Variants in NXPE2 observed in about 807,000 individuals in gnomAD.
The protein encoded by NXPE2 is NXPE family member 2.
Under a neutral mutation model 34.4 loss-of-function variants are expected in NXPE2, and 34 were observed. The observed-to-expected ratio is 0.99, with a 90% CI of 0.75 to 1.31. The LOEUF (loss-of-function observed/expected upper bound fraction) is 1.31, where lower values mean the gene tolerates loss of function less well. NXPE2 is among the 40% of genes most tolerant of loss of function. The probability of loss-of-function intolerance (pLI) is 0.00; values close to 1 mark genes in which losing one functional copy is unlikely to be tolerated. For missense variants in NXPE2, 649 were observed against 672.5 expected, an observed-to-expected ratio of 0.97 and a Z score of 0.39; for synonymous variants, 235 against 231.3, an observed-to-expected ratio of 1.02 and a Z score of -0.15.
At chr11:114,724,822 A>G in the NXPE2 span, among the ~76,000 whole-genome samples, 1 of 136,482 alleles carries the variant, frequency 7.3e-6, no homozygotes, top group African/African-American at 2.7e-5. Flanking sequence ...TACTTGAGGG[A>G]GTATTGCTGT....
At chr11:114,761,728 C>T in the NXPE2 span, among the ~76,000 whole-genome samples, 1 of 151,648 alleles carries the variant, frequency 6.6e-6, no homozygotes, top group South Asian at 2.1e-4. Context: ...CGCCCGCCAC[C>T]GCGCCCGGCT....
the NXPE2 span, chr11:114,526,612 T>C: frequency 1.3e-5 from 2 of 152,226 alleles, no homozygotes; most frequent in African/African-American, 4.8e-5. Flanking sequence ...AGGTTCTTCC[T>C]CTCTTTCTAG....
rs1286384823 is a variant in NXPE2, at chr11:114,696,524, G to GC, written c.133-1521_133-1520insC. On this transcript the variant is annotated intron_variant, in intron 2 of 5. Transcript: ENST00000389586. ...TCAGACAAAGTAGATTTCAGAACCA[G>GC]GAAAATTACCAAGAATAAATAAGAT... Among the ~76,000 whole-genome samples the GC allele has an allele frequency of 3.7e-3, 561 of 151,904 alleles. 5 individuals are homozygous for GC. Among genetic ancestry groups the GC allele is most frequent in the African/African-American group, 0.012 (487 of 41,422 alleles).
At chr11:114,781,489 G>A in the NXPE2 span, among the ~76,000 whole-genome samples, 1 of 152,138 alleles carries the variant, frequency 6.6e-6, no homozygotes. Flanking sequence ...TGAAAGAGGT[G>A]GCCTTATGTT....
At chr11:114,610,276 C>T in the NXPE2 span, among the ~76,000 whole-genome samples, 2 of 150,458 alleles carry the variant, frequency 1.3e-5, no homozygotes, top group East Asian at 2.0e-4. Flanking sequence ...GTGTTGCCTA[C>T]CCGGTGGATA....
the NXPE2 span, among the ~76,000 whole-genome samples, chr11:114,632,151 T>C: frequency 7.0e-6 from 1 of 143,290 alleles, no homozygotes; most frequent in East Asian, 2.0e-4. Context: ...TTTATTATGT[T>C]ATAAATAAAA....
At chr11:114,569,834 A>T in the NXPE2 span, among the ~76,000 whole-genome samples, 1 of 152,062 alleles carries the variant, frequency 6.6e-6, no homozygotes, top group South Asian at 2.1e-4. Flanking sequence ...GCAAAGTGTG[A>T]CCCCTCACCC....
At chr11:114,727,827 C>G in the NXPE2 span, among the ~76,000 whole-genome samples, 1 of 123,290 alleles carries the variant, frequency 8.1e-6, no homozygotes, top group East Asian at 2.3e-4. Context: ...ATATCTTTCC[C>G]CTTCTCTTCC....
chr11:114,632,918 T>A, the NXPE2 span, among the ~76,000 whole-genome samples: 1 of 95,322 alleles, frequency 1.0e-5, no homozygotes, highest in East Asian at 2.7e-4. Flanking sequence ...TATTATATTT[T>A]ATATAATTAT....
the NXPE2 span, chr11:114,581,649 C>A: frequency 1.9e-5 from 23 of 1,242,058 alleles, no homozygotes; most frequent in Non-Finnish European, 2.7e-5. Flanking sequence ...AAACAGTGAA[C>A]AAATCCAGTA....
rs374228143 is a variant in NXPE2 at position 114,698,745 on chromosome 11, A to G, written c.833A>G (p.Tyr278Cys). 64 of 1,594,332 alleles carry G rather than the reference A, an allele frequency of 4.0e-5. No homozygotes were observed. The Admixed American group carries it at 7.7e-4, about 19-fold the overall frequency. ...ACCACTAGGACAAGAAATATTTCCT[A>G]TCTTAGCAAGGAAGAATGGAGGCTT... ...HMTTRTRNISYLSKEEWRLFH... is the reference protein window; with the variant it reads ...HMTTRTRNISCLSKEEWRLFH... Residue 278 changes from tyrosine to cysteine, a missense_variant, in exon 3 of 6, where the codon TAT (tyrosine) becomes TGT (cysteine). Tyr to Cys is a radical substitution (Grantham distance 194). Coordinates refer to ENST00000389586, the MANE Select transcript of NXPE2 (RefSeq NM_182495.6).
At chr11:114,505,397 A>C in the NXPE2 span, among the ~76,000 whole-genome samples, 1 of 152,080 alleles carries the variant, frequency 6.6e-6, no homozygotes, top group Non-Finnish European at 1.5e-5. Flanking sequence ...TACTTCACAA[A>C]AAGATTATCC....
chr11:114,686,390 T>C (rs982533310), intron 2 of NXPE2, among the ~76,000 whole-genome samples: 3 of 152,190 alleles, frequency 2.0e-5, no homozygotes, highest in African/African-American at 7.2e-5. Flanking sequence ...GTTTCTGTGT[T>C]AATTCATTTA....
At chr11:114,791,795 G>T in the NXPE2 span, among the ~76,000 whole-genome samples, 1 of 152,184 alleles carries the variant, frequency 6.6e-6, no homozygotes, top group African/African-American at 2.4e-5. Flanking sequence ...GGTGGCTCAC[G>T]CCTGTAATCC....
rs1951307233 is a variant in NXPE2 at position 114,698,629 on chromosome 11, T to C, written c.717T>C (p.Ala239=). ...TECGLTLNTN[A]ELCQYMDDRD... ...GTGGCCTGACCCTAAACACAAATGC[T>C]GAACTGTGCCAGTACATGGATGACA... The change falls in exon 3 of 6, where the codon GCT becomes GCC. Residue 239 remains alanine (A), a synonymous_variant. Coordinates refer to ENST00000389586, the MANE Select transcript of NXPE2 (RefSeq NM_182495.6). 2 of 1,614,070 alleles carry C rather than the reference T, an allele frequency of 1.2e-6. No individual in the cohort carries two copies. Among genetic ancestry groups the C allele is most frequent in the South Asian group, 1.1e-5 (1 of 91,084 alleles).
the NXPE2 span, among the ~76,000 whole-genome samples, chr11:114,595,298 C>T: frequency 6.6e-6 from 1 of 152,140 alleles, no homozygotes; most frequent in Admixed American, 6.5e-5. Flanking sequence ...TATTTTAAAA[C>T]ATTTCTTACT....
chr11:114,629,094 C>A, the NXPE2 span, among the ~76,000 whole-genome samples: 1 of 152,016 alleles, frequency 6.6e-6, no homozygotes, highest in African/African-American at 2.4e-5. Flanking sequence ...ACCAGAGGTA[C>A]AAGGAGGAAC....
chr11:114,753,526 A>G, the NXPE2 span, among the ~76,000 whole-genome samples: 1 of 152,252 alleles, frequency 6.6e-6, no homozygotes, highest in Non-Finnish European at 1.5e-5. Flanking sequence ...ATATGTTATA[A>G]TTCTGTCATG....
At chr11:114,595,668 C>G in the NXPE2 span, 2 of 152,284 alleles carry the variant, frequency 1.3e-5, no homozygotes, top group African/African-American at 4.8e-5. Flanking sequence ...TCTGAAGCCA[C>G]CAGTGTGCTA....
Sources: gnomAD v4.1 joint callset for allele counts (sites outside exome capture counted in the v4.1 genomes callset) on GRCh38, gnomAD v4.1.1 for gene constraint, MANE v1.5 for transcripts, NCBI Gene and HGNC (gene_info 2026-07-23, HGNC 2026-07-21) for gene names.